KCNC2: variants seen among roughly 807,000 people sequenced by gnomAD.
The protein encoded by KCNC2 is potassium voltage-gated channel subfamily C member 2, also known as voltage-gated potassium channel KCNC2.
KCNC2 carries 21 observed loss-of-function variants against 44.5 expected under a neutral mutation model. That is an observed-to-expected ratio of 0.47 (90% CI 0.33 to 0.68). KCNC2 has a LOEUF of 0.68. Ranked by LOEUF, KCNC2 falls within the 30% of genes least tolerant of loss-of-function variation. The pLI is 0.01. For missense variants in KCNC2, 589 were observed against 826.2 expected, an observed-to-expected ratio of 0.71 and a Z score of 3.52; for synonymous variants, 391 against 339.1, an observed-to-expected ratio of 1.15 and a Z score of -1.68.
At chr12:75,162,411 G>A (rs1891178482) in intron 2 of KCNC2, among the ~76,000 whole-genome samples, 1 of 151,684 alleles carries the variant, frequency 6.6e-6, no homozygotes, top group African/African-American at 2.4e-5. Context: ...TGAGTCATCA[G>A]CTCAGGGTCT....
At chr12:75,109,602 G>A (rs969145078) in intron 2 of KCNC2, among the ~76,000 whole-genome samples, 1 of 152,178 alleles carries the variant, frequency 6.6e-6, no homozygotes. Context: ...TGTGCAGATC[G>A]TGATCATAAG....
chr12:75,177,057 T>TATATATATATATATATATATATATAC (rs1491339880), intron 2 of KCNC2, among the ~76,000 whole-genome samples: 11 of 127,260 alleles, frequency 8.6e-5, no homozygotes, highest in African/African-American at 3.2e-4. Context: ...TATATATATA[T>TATATATATATATATATATATATATAC]ACACACACAC....
At chr12:75,173,452 C>T (rs1455852271) in intron 2 of KCNC2, among the ~76,000 whole-genome samples, 1 of 151,754 alleles carries the variant, frequency 6.6e-6, no homozygotes, top group Non-Finnish European at 1.5e-5. Context: ...ACTACACTTT[C>T]CACTACTCCA....
intron 2 of KCNC2, among the ~76,000 whole-genome samples, chr12:75,094,854 C>T (rs1156575457): frequency 6.6e-6 from 1 of 151,702 alleles, no homozygotes; most frequent in African/African-American, 2.4e-5. Flanking sequence ...ACTCAAATCC[C>T]TCCTGCAAAG....
intron 2 of KCNC2, among the ~76,000 whole-genome samples, chr12:75,188,270 T>C (rs538799681): frequency 1.3e-5 from 2 of 152,258 alleles, no homozygotes; most frequent in African/African-American, 4.8e-5. Flanking sequence ...TAAATACATA[T>C]AGTTGGAAAA....
At chr12:75,048,073 G>T in intron 4 of KCNC2, 80 bp downstream of exon 4, 1 of 1,252,572 alleles carries the variant, frequency 8.0e-7, no homozygotes, top group Non-Finnish European at 1.2e-6. Flanking sequence ...AATGATGAAT[G>T]AGCATTTTAC....
chr12:75,104,041 G>C (rs1886583438), intron 2 of KCNC2, among the ~76,000 whole-genome samples: 1 of 151,636 alleles, frequency 6.6e-6, no homozygotes, highest in South Asian at 2.1e-4. Context: ...CATCTGCTTT[G>C]CATGATCCTG....
At chr12:75,201,276 A>C (rs1301526631) in intron 2 of KCNC2, among the ~76,000 whole-genome samples, 3 of 110,382 alleles carry the variant, frequency 2.7e-5, no homozygotes, top group African/African-American at 3.6e-5. Flanking sequence ...AAAAAAAAAA[A>C]AAAAAAAAAA....
At chr12:75,186,730 A>G (rs1338147680) in intron 2 of KCNC2, among the ~76,000 whole-genome samples, 1 of 152,216 alleles carries the variant, frequency 6.6e-6, no homozygotes, top group East Asian at 1.9e-4. Flanking sequence ...ATTAACTTTC[A>G]TGAAGAGATT....
intron 2 of KCNC2, among the ~76,000 whole-genome samples, chr12:75,060,935 A>G (rs1354689727): frequency 6.6e-6 from 1 of 152,156 alleles, no homozygotes; most frequent in Admixed American, 6.6e-5. Flanking sequence ...TGAGTCTGGC[A>G]AAGAACTACT....
chr12:75,183,836 A>G (rs148244349), intron 2 of KCNC2, among the ~76,000 whole-genome samples: 79 of 152,326 alleles, frequency 5.2e-4, no homozygotes, highest in African/African-American at 1.7e-3. Context: ...AAATTCCTCA[A>G]TGTGGCTCAC....
chr12:75,186,366 C>A (rs1201243746), intron 2 of KCNC2, among the ~76,000 whole-genome samples: 1 of 151,998 alleles, frequency 6.6e-6, no homozygotes, highest in East Asian at 1.9e-4. Flanking sequence ...TGCCCTCTAA[C>A]AGGAACAAAT....
chr12:75,207,867 G>T lies in KCNC2; in HGVS notation c.117C>A (p.Ser39=). 6.2e-7 allele frequency: 1 copy of T among 1,612,316 alleles called. No homozygotes were observed. Residue 39 remains serine, a synonymous_variant, in exon 2 of 5, where the codon TCC becomes TCA. Transcript: ENST00000549446. The surrounding 1 kb of genome is among the most constrained non-coding windows in gnomAD (Gnocchi z 4.1). ...LPGTRLALLA[S]SEPPGDCLTT... The stretch of plus-strand genomic sequence containing the variant: ...TCAAGCAGTCGCCTGGGGGCTCGGA[G>T]GAGGCAAGAAGGGCCAGGCGTGTTC...
intron 2 of KCNC2, among the ~76,000 whole-genome samples, chr12:75,084,816 C>T (rs1273174522): frequency 6.6e-6 from 1 of 151,774 alleles, no homozygotes; most frequent in Non-Finnish European, 1.5e-5. Flanking sequence ...ACTATTTAAG[C>T]ATATTCATTG....
At chr12:75,180,333 G>A (rs1260000511) in intron 2 of KCNC2, among the ~76,000 whole-genome samples, 2 of 151,690 alleles carry the variant, frequency 1.3e-5, no homozygotes, top group Non-Finnish European at 3.0e-5. Context: ...GGTACCATTA[G>A]TTTCTAAATA....
chr12:75,136,507 A>T (rs1056003079), intron 2 of KCNC2, among the ~76,000 whole-genome samples: 3 of 152,086 alleles, frequency 2.0e-5, no homozygotes, highest in Non-Finnish European at 2.9e-5. Flanking sequence ...CTGATACCAC[A>T]GAAACACAAA....
intron 2 of KCNC2, among the ~76,000 whole-genome samples, chr12:75,149,614 T>A (rs999308772): frequency 1.3e-5 from 2 of 151,858 alleles, no homozygotes; most frequent in Admixed American, 1.3e-4. Context: ...GCATCTTTAA[T>A]CTTCATTACT....
chr12:75,122,524 T>C (rs1888116767), intron 2 of KCNC2, among the ~76,000 whole-genome samples: 1 of 152,190 alleles, frequency 6.6e-6, no homozygotes, highest in Admixed American at 6.5e-5. Flanking sequence ...TATGAACTGA[T>C]CCGTAGTCCT....
chr12:75,188,089 A>G (rs143533498), intron 2 of KCNC2, among the ~76,000 whole-genome samples: 237 of 152,306 alleles, frequency 1.6e-3, no homozygotes, highest in African/African-American at 5.5e-3. Flanking sequence ...ATGAAATTTC[A>G]CCCTTTCTTA....
Sources: allele counts gnomAD v4.1 joint callset (sites outside exome capture counted in the v4.1 genomes callset), GRCh38; gene constraint gnomAD v4.1.1; non-coding constraint Gnocchi (gnomAD v3.1); transcripts MANE v1.5; gene names NCBI Gene and HGNC (gene_info 2026-07-23, HGNC 2026-07-21).